MTUS2: variants seen among roughly 807,000 people sequenced by gnomAD.
The protein encoded by MTUS2 is microtubule associated scaffold protein 2.
Under a neutral mutation model 114.1 loss-of-function variants are expected in MTUS2, and 40 were observed. The observed-to-expected ratio is 0.35, with a 90% CI of 0.27 to 0.46. The LOEUF (loss-of-function observed/expected upper bound fraction) is 0.46, where lower values mean the gene tolerates loss of function less well. Ranked by LOEUF, MTUS2 falls within the 20% of genes least tolerant of loss-of-function variation. The pLI is 1.00. For synonymous variants in MTUS2, 688 were observed against 672.0 expected (o/e 1.02, Z -0.37); for missense variants, 1,679 against 1,705.4 (o/e 0.98, Z 0.27).
At chr13:29,433,549 A>G (rs141697974) in intron 8 of MTUS2, among the ~76,000 whole-genome samples, 1 of 152,352 alleles carries the variant, frequency 6.6e-6, no homozygotes, top group Non-Finnish European at 1.5e-5. Flanking sequence ...CAAAAGGTCA[A>G]TCCACCTCCT....
chr13:29,070,874 C>T (rs978644956), intron 4 of MTUS2, among the ~76,000 whole-genome samples: 1 of 151,960 alleles, frequency 6.6e-6, no homozygotes, highest in African/African-American at 2.4e-5. Context: ...TGTTTTCCTT[C>T]TGCATTTTAG....
At chr13:28,939,678 G>T (rs1882115713) in intron 2 of MTUS2, among the ~76,000 whole-genome samples, 1 of 151,966 alleles carries the variant, frequency 6.6e-6, no homozygotes, top group African/African-American at 2.4e-5. Flanking sequence ...TCTGGAGATG[G>T]TGGACTGGTT....
Position 29,480,217 on chromosome 13 carries a change from C to T in MTUS2, c.3252C>T (p.Asp1084=), listed in dbSNP as rs374485217. 1.4e-5 allele frequency: 21 copies of T among 1,555,158 alleles called. No homozygotes were observed. The highest frequency in any genetic ancestry group is 4.8e-5 in the East Asian group (2 of 41,372). Residue 1084 remains aspartate (D), a synonymous_variant, in exon 10 of 16, where the codon GAC becomes GAT. Transcript: ENST00000612955. The surrounding 1 kb of genome is among the most constrained non-coding windows in gnomAD (Gnocchi z 4.4). ...EKEELERRFE[D]EVKRLGWQQQ... ...AGGAGCTGGAGAGGCGGTTCGAGGACGAGGTGAAGAGGCTGGGCTGGCAGC... is the reference window on the plus strand; with the variant it reads ...AGGAGCTGGAGAGGCGGTTCGAGGATGAGGTGAAGAGGCTGGGCTGGCAGC...
intron 8 of MTUS2, among the ~76,000 whole-genome samples, chr13:29,384,665 T>C (rs1185792935): frequency 6.6e-6 from 1 of 152,236 alleles, no homozygotes; most frequent in Non-Finnish European, 1.5e-5. Flanking sequence ...CTTGGGTACA[T>C]GAGACCTGTC....
intron 2 of MTUS2, among the ~76,000 whole-genome samples, chr13:28,992,369 A>T (rs951951181): frequency 1.3e-5 from 2 of 152,198 alleles, no homozygotes; most frequent in Admixed American, 1.3e-4. Flanking sequence ...GAGCCAAAAG[A>T]CAGCAGATAA....
chr13:29,344,215 C>G, intron 7 of MTUS2, among the ~76,000 whole-genome samples: 1 of 133,538 alleles, frequency 7.5e-6, no homozygotes, highest in Non-Finnish European at 1.6e-5. Context: ...GACTTTCTGT[C>G]TTGATGACCT....
chr13:29,082,437 A>T (rs1456728576), intron 4 of MTUS2, among the ~76,000 whole-genome samples: 3 of 152,182 alleles, frequency 2.0e-5, no homozygotes, highest in African/African-American at 7.2e-5. Flanking sequence ...CATCTGTAAA[A>T]TGTATGAACT....
At chr13:29,321,285 T>C (rs924993889) in intron 6 of MTUS2, among the ~76,000 whole-genome samples, 1 of 152,162 alleles carries the variant, frequency 6.6e-6, no homozygotes, top group Non-Finnish European at 1.5e-5. Context: ...CCAAGAAGGC[T>C]GAGACAACAG....
intron 5 of MTUS2, among the ~76,000 whole-genome samples, chr13:29,176,458 A>G (rs1009053150): frequency 2.6e-5 from 4 of 152,196 alleles, no homozygotes; most frequent in Non-Finnish European, 5.9e-5. Context: ...TGCGGCTCAC[A>G]GAGCCTGTCC....
chr13:29,497,651 C>G, intron 13 of MTUS2: 1 of 344,152 alleles, frequency 2.9e-6, no homozygotes, highest in African/African-American at 2.0e-5. Flanking sequence ...CCACCCCTTC[C>G]AGCCCATTCT....
chr13:29,111,769 A>AT (rs548947179), intron 5 of MTUS2, among the ~76,000 whole-genome samples: 2,481 of 148,084 alleles, frequency 0.017, 59 homozygotes, highest in African/African-American at 0.051. Context: ...AGATTGATAT[A>AT]TTTTTTTTTT....
At chr13:29,006,993 G>A (rs1259715010) in intron 2 of MTUS2, among the ~76,000 whole-genome samples, 1 of 152,148 alleles carries the variant, frequency 6.6e-6, no homozygotes, top group African/African-American at 2.4e-5. Context: ...TCCTCCCACT[G>A]ATTCAGCTTC....
At chr13:29,492,107 G>A (rs1009675019) in intron 11 of MTUS2, among the ~76,000 whole-genome samples, 28 of 139,018 alleles carry the variant, frequency 2.0e-4, no homozygotes, top group East Asian at 1.5e-3. Flanking sequence ...AGGTGTGTAT[G>A]TGTGTGGTGT....
At chr13:28,957,742 A>G (rs1462673747) in intron 2 of MTUS2, among the ~76,000 whole-genome samples, 2 of 152,190 alleles carry the variant, frequency 1.3e-5, no homozygotes, top group Non-Finnish European at 2.9e-5. Context: ...GTATTCAGGT[A>G]ACTTGCCAAG....
intron 2 of MTUS2, among the ~76,000 whole-genome samples, chr13:28,911,471 G>C (rs1593294024): frequency 6.6e-6 from 1 of 152,030 alleles, no homozygotes; most frequent in South Asian, 2.1e-4. Flanking sequence ...ACCTTGCCCG[G>C]TCATATTTTT....
chr13:29,059,178 C>T (rs1565984989), intron 4 of MTUS2, among the ~76,000 whole-genome samples: 1 of 148,754 alleles, frequency 6.7e-6, no homozygotes, highest in Non-Finnish European at 1.5e-5. Flanking sequence ...GGTTCTTTCT[C>T]ATCTGTGTGG....
chr13:29,281,581 A>G (rs1208295314), intron 5 of MTUS2, 123 bp from the exon 6 acceptor site: 9 of 1,052,580 alleles, frequency 8.6e-6, no homozygotes, highest in Non-Finnish European at 1.2e-5. Context: ...AAGGTCACTC[A>G]CTAAGAATCA....
intron 5 of MTUS2, among the ~76,000 whole-genome samples, chr13:29,226,175 T>C (rs572604320): frequency 6.6e-6 from 1 of 152,260 alleles, no homozygotes; most frequent in South Asian, 2.1e-4. Context: ...ATATTCTTCA[T>C]GGGGCTGTCA....
chr13:29,360,066 T>A (rs1257070712), intron 8 of MTUS2, among the ~76,000 whole-genome samples: 1 of 152,198 alleles, frequency 6.6e-6, no homozygotes, highest in East Asian at 1.9e-4. Flanking sequence ...GTATACTGAA[T>A]CTGTTATTAA....
Sources: allele counts gnomAD v4.1 joint callset (sites outside exome capture counted in the v4.1 genomes callset), GRCh38; gene constraint gnomAD v4.1.1; non-coding constraint Gnocchi (gnomAD v3.1); transcripts MANE v1.5; gene names NCBI Gene and HGNC (gene_info 2026-07-23, HGNC 2026-07-21).